PCBP3: variants seen among roughly 807,000 people sequenced by gnomAD.
PCBP3 encodes the protein poly(rC)-binding protein 3.
PCBP3 carries 25 observed loss-of-function variants against 52.7 expected under a neutral mutation model. That is an observed-to-expected ratio of 0.47 (90% confidence interval 0.35 to 0.66). PCBP3 has a LOEUF of 0.66. PCBP3 is among the 30% of genes least tolerant of loss of function. The pLI, the probability that PCBP3 is intolerant of heterozygous loss-of-function variation, is 0.01. For missense variants in PCBP3, 391 were observed against 490.3 expected (o/e 0.80, Z 1.91); for synonymous variants, 162 against 183.0 (o/e 0.89, Z 0.93).
Position 45,811,783 on chromosome 21 carries a change from T to C in PCBP3, c.-125-38178T>C, listed in dbSNP as rs540835415. Among the ~76,000 whole-genome samples the C allele has an allele frequency of 5.3e-5, 8 of 152,348 alleles. No homozygotes were observed. In the South Asian group the frequency reaches 8.3e-4, roughly 16 times the overall value. On this transcript the variant is annotated intron_variant, in intron 4 of 17. Transcript: ENST00000681687. ...TGTTTCTCTAAAAGTAGCACGTGCT[T>C]TGAGTCGTGCTTTTGTTATCTTGTC...
At position 45,821,477 on chromosome 21, in the gene PCBP3, T is replaced by C. The variant is rs2093136138; in HGVS notation, c.-125-28484T>C. On this transcript the variant is annotated intron_variant, in intron 4 of 17. Coordinates refer to ENST00000681687, the MANE Select transcript of PCBP3 (RefSeq NM_001384156.1). The surrounding 1 kb of genome is among the most constrained non-coding windows in gnomAD (Gnocchi z 4.4). ...CCCCCAACTCTTTTCTAGAACACTC[T>C]TCCCCCTGCACCACGCTGTGGGCCC... Among the ~76,000 whole-genome samples, 1 of 142,968 alleles carries C rather than the reference T, an allele frequency of 7.0e-6. No homozygotes were observed. The highest frequency in any genetic ancestry group is 1.5e-5 in the Non-Finnish European group (1 of 66,320). 93.8% of individuals were successfully genotyped at this position (142,968 alleles called of 152,430 possible).
At chr21:45,711,045 A>T (rs1190702816) in intron 2 of PCBP3, among the ~76,000 whole-genome samples, 1 of 152,134 alleles carries the variant, frequency 6.6e-6, no homozygotes, top group East Asian at 1.9e-4. Flanking sequence ...GAAAGTGATG[A>T]TGCTCCAGGC....
intron 13 of PCBP3, among the ~76,000 whole-genome samples, chr21:45,929,689 C>T (rs2075925463): frequency 1.3e-5 from 2 of 152,226 alleles, no homozygotes; most frequent in Non-Finnish European, 2.9e-5. Flanking sequence ...GGAGAGAAGA[C>T]AGCGGCTTCC....
intron 13 of PCBP3, among the ~76,000 whole-genome samples, chr21:45,921,347 C>T (rs1306649021): frequency 2.0e-5 from 3 of 152,050 alleles, no homozygotes; most frequent in African/African-American, 4.8e-5. Context: ...TTTTTAGGAA[C>T]GTGATATTTG....
At chr21:45,923,510 A>G (rs1249659350) in intron 13 of PCBP3, among the ~76,000 whole-genome samples, 1 of 152,178 alleles carries the variant, frequency 6.6e-6, no homozygotes, top group African/African-American at 2.4e-5. Context: ...CGGCTCTCAC[A>G]TGCTGTTCCT....
At chr21:45,845,644 ATG>A (rs772581145) in intron 4 of PCBP3, among the ~76,000 whole-genome samples, 2 of 146,130 alleles carry the variant, frequency 1.4e-5, no homozygotes, top group Non-Finnish European at 3.0e-5. Flanking sequence ...CCGTGTGCAC[ATG>A]TGTGAGTGTG....
chr21:45,930,826 T>A lies in PCBP3; in HGVS notation c.837T>A (p.Asn279Lys). ...TACACTCCTCCGAAGAAGCTCAAAA[T>A]CTGATGGGCCAGTCATCAGGTAACA... ...LPLHSSEEAQNLMGQSSGLDA... is the reference protein window; with the variant it reads ...LPLHSSEEAQKLMGQSSGLDA... The change falls in exon 15 of 18, where the codon AAT becomes AAA. Residue 279 changes from asparagine to lysine, a missense_variant. Asn to Lys is a moderately conservative substitution (Grantham distance 94, BLOSUM62 0). Transcript: ENST00000681687. 1.3e-6 allele frequency: 2 copies of A among 1,599,282 alleles called. No individual in the cohort carries two copies. The highest frequency in any genetic ancestry group is 1.7e-6 in the Non-Finnish European group (2 of 1,166,868).
At chr21:45,860,781 C>T (rs933118528) in intron 5 of PCBP3, among the ~76,000 whole-genome samples, 3 of 152,228 alleles carry the variant, frequency 2.0e-5, no homozygotes, top group South Asian at 4.1e-4. Context: ...TGTGCCCCTC[C>T]GGCCGGCAGC....
chr21:45,674,850 C>T lies in PCBP3; in HGVS notation c.-200+5898C>T, dbSNP rs866971379. ...CCATGCTGGGACTGGCTCTTCTCCT[C>T]GGCTCCTGGAACAGGGATCCAGCCC... is the stretch of plus-strand genomic sequence containing the variant. On this transcript the variant is annotated intron_variant, in intron 2 of 17. Transcript: ENST00000681687. 1.9e-4 allele frequency among the ~76,000 whole-genome samples: 29 copies of T among 152,258 alleles called. 1 individual carries two copies. Among genetic ancestry groups the T allele is most frequent in the Admixed American group, 5.9e-4 (9 of 15,296 alleles).
At chr21:45,718,900 G>A (rs2084413801) in intron 2 of PCBP3, among the ~76,000 whole-genome samples, 1 of 152,178 alleles carries the variant, frequency 6.6e-6, no homozygotes, top group South Asian at 2.1e-4. Context: ...GTCACAAGGG[G>A]ATAAAAGCAT....
At chr21:45,901,409 A>C in intron 9 of PCBP3, 2 of 359,906 alleles carry the variant, frequency 5.6e-6, no homozygotes, top group South Asian at 2.6e-5. Flanking sequence ...CGGCCTCAGA[A>C]CACCCCACCC....
intron 2 of PCBP3, among the ~76,000 whole-genome samples, chr21:45,719,576 G>A (rs906062127): frequency 3.3e-5 from 5 of 152,076 alleles, no homozygotes; most frequent in African/African-American, 1.2e-4. Flanking sequence ...CTGTTCTCGT[G>A]ATAGTGAGTG....
chr21:45,758,221 A>G (rs1481466944), intron 4 of PCBP3, among the ~76,000 whole-genome samples: 1 of 152,152 alleles, frequency 6.6e-6, no homozygotes, highest in Non-Finnish European at 1.5e-5. Flanking sequence ...TGGATCCTGG[A>G]GATTTATAGG....
At chr21:45,652,544 A>G (rs1463073842) in intron 1 of PCBP3, among the ~76,000 whole-genome samples, 1 of 151,096 alleles carries the variant, frequency 6.6e-6, no homozygotes, top group Non-Finnish European at 1.5e-5. Context: ...GGGTTCAAGC[A>G]GTTCTTCATG....
chr21:45,710,063 A>C lies in PCBP3; in HGVS notation c.-199-25329A>C, dbSNP rs112472188. On this transcript the variant is annotated intron_variant, in intron 2 of 17. Coordinates refer to ENST00000681687, the MANE Select transcript of PCBP3 (RefSeq NM_001384156.1). ...TATGTCAAGGAAGCTCACTGTCAGCATGACTCATCACTGTTCATGGTGACC... is the reference window on the plus strand; with the variant it reads ...TATGTCAAGGAAGCTCACTGTCAGCCTGACTCATCACTGTTCATGGTGACC... Among the ~76,000 whole-genome samples the C allele has an allele frequency of 6.3e-3, 959 of 152,332 alleles. 13 individuals are homozygous for C. The highest frequency in any genetic ancestry group is 0.022 in the African/African-American group (922 of 41,566).
At chr21:45,879,861 C>G (rs775296892) in intron 5 of PCBP3, among the ~76,000 whole-genome samples, 8 of 151,842 alleles carry the variant, frequency 5.3e-5, no homozygotes, top group Admixed American at 1.3e-4. Context: ...GAAAGGTCTT[C>G]AAACAATAAT....
At chr21:45,703,935 C>G (rs998850679) in intron 2 of PCBP3, among the ~76,000 whole-genome samples, 1 of 152,032 alleles carries the variant, frequency 6.6e-6, no homozygotes, top group Non-Finnish European at 1.5e-5. Flanking sequence ...TGGTGGATAG[C>G]AATGGAATGT....
intron 13 of PCBP3, among the ~76,000 whole-genome samples, chr21:45,926,523 C>T (rs1378192479): frequency 6.6e-6 from 1 of 152,138 alleles, no homozygotes; most frequent in Non-Finnish European, 1.5e-5. Context: ...GGTTTTGGTG[C>T]AGTGGGAGAC....
chr21:45,913,378 A>G (rs895379736), intron 11 of PCBP3, among the ~76,000 whole-genome samples: 1 of 152,090 alleles, frequency 6.6e-6, no homozygotes, highest in Non-Finnish European at 1.5e-5. Context: ...GGCCAAGCCA[A>G]GCGCTTTGGA....
Sources: gnomAD v4.1 joint callset for allele counts (sites outside exome capture counted in the v4.1 genomes callset) on GRCh38, gnomAD v4.1.1 for gene constraint, Gnocchi (gnomAD v3.1) non-coding constraint, MANE v1.5 for transcripts, NCBI Gene and HGNC (gene_info 2026-07-23, HGNC 2026-07-21) for gene names.